AK4: variants seen among roughly 807,000 people sequenced by gnomAD.
AK4 encodes adenylate kinase 4, mitochondrial.
Under a neutral mutation model 24.6 loss-of-function variants are expected in AK4, and 13 were observed. The ratio of observed to expected loss-of-function variants is 0.53; its 90% CI spans 0.34 to 0.84. The LOEUF (loss-of-function observed/expected upper bound fraction) is 0.84, where lower values mean the gene tolerates loss of function less well. Ranked by LOEUF, AK4 falls within the 40% of genes least tolerant of loss-of-function variation. The pLI is 0.01. For synonymous variants in AK4, 88 were observed against 107.0 expected (o/e 0.82, Z 1.10); for missense variants, 192 against 288.2 (o/e 0.67, Z 2.42).
intron 1 of AK4, chr1:65,154,658 TC>T: frequency 2.2e-6 from 1 of 445,238 alleles, no homozygotes; most frequent in Non-Finnish European, 4.6e-6. Flanking sequence ...TAAATGATCC[TC>T]CTTCAAAGGA....
intron 1 of AK4, among the ~76,000 whole-genome samples, chr1:65,181,616 G>A (rs1650910857): frequency 6.6e-6 from 1 of 152,106 alleles, no homozygotes; most frequent in South Asian, 2.1e-4. Flanking sequence ...TCAAACTCCT[G>A]ACCTCAAGTG....
chr1:65,221,120 A>C (rs545779310), intron 3 of AK4, among the ~76,000 whole-genome samples: 41 of 152,346 alleles, frequency 2.7e-4, no homozygotes, highest in African/African-American at 9.4e-4. Flanking sequence ...TTCTTAAAGA[A>C]TTATTGTTTT....
intron 1 of AK4, among the ~76,000 whole-genome samples, chr1:65,158,891 T>G (rs934452736): frequency 1.3e-5 from 2 of 152,170 alleles, no homozygotes; most frequent in East Asian, 3.8e-4. Flanking sequence ...CCACTTGATG[T>G]TTAAGCTCTC....
chr1:65,231,487 C>T lies in AK4; in HGVS notation c.*5310C>T, dbSNP rs1052893172. 6.6e-6 allele frequency: 1 copy of T among 152,132 alleles called. No individual in the cohort carries two copies. The highest frequency in any genetic ancestry group is 2.4e-5 in the African/African-American group (1 of 41,422). The allele number at this position is 152,132 out of a possible 1,614,324, so 9.4% of individuals were successfully genotyped here. A position where few individuals can be genotyped will look rare whatever the true frequency, so the allele number is the denominator to read the frequency against. On this transcript the variant is annotated 3_prime_UTR_variant, in exon 5 of 5. Transcript: ENST00000327299. Reference sequence around the variant, plus strand: ...CACAGTGTCATTCTTTAAATAAAAGCTTTCCTGTTTAAAGCTTTTCAAAGG... The same window carrying T: ...CACAGTGTCATTCTTTAAATAAAAGTTTTCCTGTTTAAAGCTTTTCAAAGG...
chr1:65,149,520 C>T (rs1649696103), intron 1 of AK4, among the ~76,000 whole-genome samples: 1 of 152,212 alleles, frequency 6.6e-6, no homozygotes, highest in Admixed American at 6.5e-5. Context: ...AGTTGTTCTT[C>T]CCAGCAGGGG....
At chr1:65,211,311 G>A (rs544352641) in intron 2 of AK4, among the ~76,000 whole-genome samples, 5 of 152,332 alleles carry the variant, frequency 3.3e-5, no homozygotes, top group African/African-American at 9.6e-5. Context: ...TGTGTATGTG[G>A]GGAGAAAATC....
At chr1:65,198,193 T>C (rs1651544037) in intron 2 of AK4, among the ~76,000 whole-genome samples, 1 of 152,198 alleles carries the variant, frequency 6.6e-6, no homozygotes, top group Admixed American at 6.5e-5. Context: ...TCTGGTATCT[T>C]GAATGGAAAG....
At chr1:65,170,889 A>G (rs1650494677) in intron 1 of AK4, among the ~76,000 whole-genome samples, 1 of 151,732 alleles carries the variant, frequency 6.6e-6, no homozygotes, top group African/African-American at 2.4e-5. Flanking sequence ...TAAGGGTTTC[A>G]GGCTAGGTGT....
At chr1:65,217,994 C>T (rs974014671) in intron 2 of AK4, among the ~76,000 whole-genome samples, 86 of 152,048 alleles carry the variant, frequency 5.7e-4, no homozygotes, top group African/African-American at 2.0e-3. Flanking sequence ...TTAACATATC[C>T]ATCATCTCAC....
At position 65,173,921 on chromosome 1, in the gene AK4, G is replaced by GGATTAGAGT. The variant is rs564347790; in HGVS notation, c.146-16788_146-16780dup. ...GTTGTATTAAGGTTTGGGGTGATGGGGATTAGAGTCTGGCACAAGGAAGTT... is the reference window on the plus strand; with the variant it reads ...GTTGTATTAAGGTTTGGGGTGATGGGGATTAGAGTGATTAGAGTCTGGCACAAGGAAGTT... On this transcript the variant is annotated intron_variant, in intron 1 of 4. Transcript: ENST00000327299. 2.8e-4 allele frequency among the ~76,000 whole-genome samples: 42 copies of GGATTAGAGT among 152,092 alleles called. No homozygotes were observed. The East Asian group carries it at 7.7e-3, about 28-fold the overall frequency.
intron 1 of AK4, among the ~76,000 whole-genome samples, chr1:65,150,853 C>G (rs1051699004): frequency 3.3e-5 from 5 of 152,192 alleles, no homozygotes; most frequent in African/African-American, 7.2e-5. Flanking sequence ...CCTCCTGCAG[C>G]CTGGTGAAAA....
intron 2 of AK4, among the ~76,000 whole-genome samples, chr1:65,191,416 A>G (rs569863599): frequency 6.6e-6 from 1 of 152,210 alleles, no homozygotes; most frequent in East Asian, 1.9e-4. Flanking sequence ...GAATCATTAT[A>G]TATGTGGTAT....
chr1:65,163,841 G>A (rs1650247506), intron 1 of AK4, among the ~76,000 whole-genome samples: 3 of 152,104 alleles, frequency 2.0e-5, no homozygotes, highest in African/African-American at 7.2e-5. Context: ...GTGCTGATTA[G>A]TCAGGTTGGA....
chr1:65,149,999 G>A (rs1649712094), intron 1 of AK4, among the ~76,000 whole-genome samples: 2 of 152,208 alleles, frequency 1.3e-5, no homozygotes, highest in African/African-American at 4.8e-5. Context: ...TGGAGTCAGT[G>A]AAGGAAGACA....
chr1:65,179,229 G>A (rs559832783), intron 1 of AK4, among the ~76,000 whole-genome samples: 5 of 152,276 alleles, frequency 3.3e-5, no homozygotes, highest in East Asian at 1.9e-4. Flanking sequence ...TCAGCAGCTC[G>A]GTTCTTTAGT....
chr1:65,153,143 GTTTC>G (rs1649856432), intron 1 of AK4, among the ~76,000 whole-genome samples: 1 of 152,086 alleles, frequency 6.6e-6, no homozygotes, highest in Non-Finnish European at 1.5e-5. Context: ...TGCTTTTTTG[GTTTC>G]TTTGAGGATT....
intron 2 of AK4, among the ~76,000 whole-genome samples, chr1:65,206,639 G>A (rs1570127510): frequency 1.3e-5 from 2 of 152,190 alleles, no homozygotes; most frequent in Non-Finnish European, 2.9e-5. Flanking sequence ...CAGGTGTGGC[G>A]ATGTTTGCTT....
At chr1:65,177,672 G>GA (rs911248063) in intron 1 of AK4, among the ~76,000 whole-genome samples, 31 of 152,320 alleles carry the variant, frequency 2.0e-4, no homozygotes, top group African/African-American at 7.5e-4. Flanking sequence ...AAGAATGTCA[G>GA]ATAGCTTCAG....
intron 3 of AK4, among the ~76,000 whole-genome samples, chr1:65,220,721 C>T (rs1652270548): frequency 6.6e-6 from 1 of 152,202 alleles, no homozygotes; most frequent in Non-Finnish European, 1.5e-5. Flanking sequence ...AGTGATCCAC[C>T]TGCCTTGGCC....
Sources: gnomAD v4.1 joint callset for allele counts (sites outside exome capture counted in the v4.1 genomes callset) on GRCh38, gnomAD v4.1.1 for gene constraint, MANE v1.5 for transcripts, NCBI Gene and HGNC (gene_info 2026-07-23, HGNC 2026-07-21) for gene names.